Variants in ERC2 observed in about 807,000 individuals in gnomAD.
ERC2 encodes the protein ERC protein 2.
A neutral mutation model predicts 114.8 loss-of-function variants in ERC2; 42 were observed. The ratio of observed to expected loss-of-function variants is 0.37; its 90% CI spans 0.29 to 0.47. The LOEUF (loss-of-function observed/expected upper bound fraction) is 0.47, where lower values mean the gene tolerates loss of function less well. Among genes scored for constraint, ERC2 ranks in the 20% least tolerant of loss-of-function variants. The pLI is 0.99. For synonymous variants in ERC2, 454 were observed against 425.5 expected (o/e 1.07, Z -0.82); for missense variants, 939 against 1,150.7 (o/e 0.82, Z 2.66).
At chr3:56,419,422 A>C (rs1576868787) in intron 2 of ERC2, among the ~76,000 whole-genome samples, 1 of 152,226 alleles carries the variant, frequency 6.6e-6, no homozygotes, top group Admixed American at 6.5e-5. Flanking sequence ...ACCTAATGCT[A>C]TGCAAACTCT....
chr3:56,251,413 C>A (rs756022464), intron 3 of ERC2, among the ~76,000 whole-genome samples: 1 of 152,126 alleles, frequency 6.6e-6, no homozygotes, highest in Non-Finnish European at 1.5e-5. Context: ...TAAAATGTTA[C>A]CAGAATGGCC....
intron 3 of ERC2, among the ~76,000 whole-genome samples, chr3:56,288,486 C>T (rs75167517): frequency 0.012 from 1,845 of 152,168 alleles, 33 homozygotes; most frequent in African/African-American, 0.04. Context: ...TGGGGCTCCA[C>T]CAGTCTCTGT....
At chr3:55,622,108 C>A (rs894706140) in intron 17 of ERC2, among the ~76,000 whole-genome samples, 1 of 152,188 alleles carries the variant, frequency 6.6e-6, no homozygotes, top group African/African-American at 2.4e-5. Context: ...CTGTCAAATT[C>A]CCCAGACTAA....
intron 14 of ERC2, among the ~76,000 whole-genome samples, chr3:55,771,721 G>GCACTA (rs2068219276): frequency 7.4e-6 from 1 of 135,894 alleles, no homozygotes; most frequent in Non-Finnish European, 1.7e-5. Context: ...CCATTGCACT[G>GCACTA]AGGCGAGATA....
At chr3:56,284,250 A>G (rs2054537527) in intron 3 of ERC2, among the ~76,000 whole-genome samples, 1 of 152,232 alleles carries the variant, frequency 6.6e-6, no homozygotes, top group African/African-American at 2.4e-5. Flanking sequence ...AAGTGGGTCA[A>G]AAAATAAAGG....
chr3:55,909,113 C>A (rs62253673), intron 13 of ERC2, among the ~76,000 whole-genome samples: 24 of 152,164 alleles, frequency 1.6e-4, no homozygotes, highest in Non-Finnish European at 3.2e-4. Context: ...AATGGTAGGA[C>A]CAGCAGTCAA....
intron 13 of ERC2, among the ~76,000 whole-genome samples, chr3:55,945,103 T>C (rs2067044986): frequency 6.6e-6 from 1 of 152,196 alleles, no homozygotes; most frequent in South Asian, 2.1e-4. Flanking sequence ...TGATGTTAAA[T>C]TCTAATAAAA....
chr3:56,103,877 G>A (rs1261758227), intron 6 of ERC2, among the ~76,000 whole-genome samples: 1 of 152,006 alleles, frequency 6.6e-6, no homozygotes, highest in East Asian at 1.9e-4. Context: ...GAGTTTGCCA[G>A]GACTTAGAAG....
intron 3 of ERC2, among the ~76,000 whole-genome samples, chr3:56,209,702 C>G (rs1293935821): frequency 6.6e-6 from 1 of 152,178 alleles, no homozygotes; most frequent in Non-Finnish European, 1.5e-5. Flanking sequence ...CCCAGGCCCA[C>G]CTTGGCTGCT....
At chr3:56,025,909 A>G (rs2074009709) in intron 7 of ERC2, among the ~76,000 whole-genome samples, 1 of 152,166 alleles carries the variant, frequency 6.6e-6, no homozygotes, top group Non-Finnish European at 1.5e-5. Context: ...TGTGAGTGGA[A>G]TTCATTCAAA....
intron 14 of ERC2, among the ~76,000 whole-genome samples, chr3:55,783,495 T>C (rs1019658219): frequency 6.6e-6 from 1 of 152,258 alleles, no homozygotes; most frequent in African/African-American, 2.4e-5. Context: ...ACTGAATTGA[T>C]TCAATCTCAA....
At position 55,518,730 on chromosome 3, in the gene ERC2, A is replaced by G. The variant is rs748074832; in HGVS notation, c.*40-7454T>C. On this transcript the variant is annotated intron_variant, in intron 17 of 17. Transcript: ENST00000288221. ...AGTTCATTAAGTACATTTTAAAAATACAATGATGTATGCAGTGTGTAACTG... is the reference window on the plus strand; with the variant it reads ...AGTTCATTAAGTACATTTTAAAAATGCAATGATGTATGCAGTGTGTAACTG... Among the ~76,000 whole-genome samples the G allele has an allele frequency of 3.3e-5, 5 of 152,258 alleles. No homozygotes were observed. The South Asian group carries it at 1.0e-3, about 31-fold the overall frequency.
chr3:56,226,129 G>C (rs2050234314), intron 3 of ERC2, among the ~76,000 whole-genome samples: 1 of 152,138 alleles, frequency 6.6e-6, no homozygotes, highest in Non-Finnish European at 1.5e-5. Context: ...TTTGCTCCAA[G>C]ATACAAATTA....
intron 17 of ERC2, among the ~76,000 whole-genome samples, chr3:55,565,386 T>C (rs1404679974): frequency 6.6e-6 from 1 of 152,152 alleles, no homozygotes; most frequent in Admixed American, 6.5e-5. Flanking sequence ...AAGAACATAG[T>C]GGCTGACGGG....
intron 1 of ERC2, among the ~76,000 whole-genome samples, chr3:56,459,143 G>A (rs1356910495): frequency 6.6e-6 from 1 of 152,188 alleles, no homozygotes; most frequent in Non-Finnish European, 1.5e-5. Flanking sequence ...CATAGAGGAT[G>A]AACTCCTGAC....
intron 12 of ERC2, among the ~76,000 whole-genome samples, chr3:55,958,025 G>A (rs1241189475): frequency 6.6e-6 from 1 of 152,178 alleles, no homozygotes; most frequent in Non-Finnish European, 1.5e-5. Flanking sequence ...CCATTCAGTG[G>A]GTCGTAAGTT....
intron 17 of ERC2, among the ~76,000 whole-genome samples, chr3:55,639,016 G>A (rs2060068498): frequency 2.0e-5 from 3 of 152,140 alleles, no homozygotes; most frequent in Admixed American, 2.0e-4. Context: ...CCTGAGCGTT[G>A]AGAACACCCT....
intron 12 of ERC2, among the ~76,000 whole-genome samples, chr3:55,984,122 T>C (rs17056313): frequency 0.039 from 5,986 of 152,216 alleles, 251 homozygotes; most frequent in African/African-American, 0.11. Context: ...TGGAATGATA[T>C]GAACCTTGAT....
chr3:56,430,712 C>T (rs577838822), intron 2 of ERC2, among the ~76,000 whole-genome samples: 1 of 152,216 alleles, frequency 6.6e-6, no homozygotes, highest in Admixed American at 6.5e-5. Flanking sequence ...GCGATTGAGC[C>T]CAGGAGGTCA....
Sources: allele counts gnomAD v4.1 joint callset (sites outside exome capture counted in the v4.1 genomes callset), GRCh38; gene constraint gnomAD v4.1.1; transcripts MANE v1.5; gene names NCBI Gene and HGNC (gene_info 2026-07-23, HGNC 2026-07-21).